Variants in FNTB observed in about 807,000 individuals in gnomAD.
FNTB encodes the protein protein farnesyltransferase subunit beta.
A neutral mutation model predicts 59.4 loss-of-function variants in FNTB; 27 were observed. The ratio of observed to expected loss-of-function variants is 0.45; its 90% CI spans 0.34 to 0.63. The LOEUF (loss-of-function observed/expected upper bound fraction) is 0.63. Ranked by LOEUF, FNTB falls within the 20% of genes least tolerant of loss-of-function variation. FNTB has a pLI of 0.02. For missense variants in FNTB, 449 were observed against 559.6 expected (o/e 0.80, Z 1.99); for synonymous variants, 230 against 220.7 (o/e 1.04, Z -0.37).
chr14:65,046,423 A>C (rs1355321075), intron 9 of FNTB, among the ~76,000 whole-genome samples: 4 of 152,226 alleles, frequency 2.6e-5, no homozygotes, highest in Admixed American at 2.6e-4. Flanking sequence ...TCCCAGGGAA[A>C]TGTGGAATGA....
chr14:65,057,271 A>G (rs2062756679), intron 11 of FNTB, among the ~76,000 whole-genome samples: 1 of 152,146 alleles, frequency 6.6e-6, no homozygotes, highest in African/African-American at 2.4e-5. Context: ...TTTGTTAAAT[A>G]GAAGATTTTA....
chr14:65,057,829 G>A (rs2062772201), intron 11 of FNTB, among the ~76,000 whole-genome samples: 2 of 152,190 alleles, frequency 1.3e-5, no homozygotes, highest in African/African-American at 4.8e-5. Flanking sequence ...CTGCTGATGT[G>A]TATCTCATGT....
intron 4 of FNTB, among the ~76,000 whole-genome samples, chr14:65,021,332 A>G (rs2061882311): frequency 6.6e-6 from 1 of 152,238 alleles, no homozygotes; most frequent in Non-Finnish European, 1.5e-5. Flanking sequence ...AGATTTTTCC[A>G]AAGATAAATT....
Position 65,061,662 on chromosome 14 carries a change from GC to G in FNTB, c.*351del. 2.8e-4 allele frequency: 59 copies of G among 211,114 alleles called. No individual in the cohort carries two copies. Among genetic ancestry groups the G allele is most frequent in the East Asian group, 9.0e-4 (9 of 10,000 alleles). The allele number at this position is 211,114 out of a possible 1,614,324, so 13.1% of individuals were successfully genotyped here. A position where few individuals can be genotyped will look rare whatever the true frequency, so the allele number is the denominator to read the frequency against. ...GAGTATTACGGCATCCAGAGCCACT[GC>G]TGACTCCCACTTGCACGCCACCATT... is the stretch of plus-strand genomic sequence containing the variant. On this transcript the variant is annotated 3_prime_UTR_variant, in exon 12 of 12. Transcript: ENST00000246166.
intron 3 of FNTB, among the ~76,000 whole-genome samples, chr14:65,015,263 C>T (rs2061748805): frequency 6.6e-6 from 1 of 151,944 alleles, no homozygotes; most frequent in Admixed American, 6.6e-5. Flanking sequence ...TCACTATGCC[C>T]AGCTAATTTT....
chr14:65,061,096 G>A (rs769586411), intron 11 of FNTB, 85 bp from the exon 12 acceptor site: 9 of 1,557,970 alleles, frequency 5.8e-6, no homozygotes, highest in Non-Finnish European at 7.8e-6. Flanking sequence ...TAAATTCTTA[G>A]AAGTGCCTTT....
rs2061684135 is a variant in FNTB at position 65,011,563 on chromosome 14, C to T, written c.210-754C>T. 6.6e-6 allele frequency among the ~76,000 whole-genome samples: 1 copy of T among 152,018 alleles called. No homozygotes were observed. Among genetic ancestry groups the T allele is most frequent in the African/African-American group, 2.4e-5 (1 of 41,400 alleles). On this transcript the variant is annotated intron_variant, in intron 2 of 11. Transcript: ENST00000246166. This position sits in a 1 kb window ranked among gnomAD's most constrained non-coding sequence, Gnocchi z 4.0. ...GTTCTCTTTCCTTTGTTTCTGTAAT[C>T]TGCAAGCACGGGGAACATCTTGACA... is the stretch of plus-strand genomic sequence containing the variant.
intron 1 of FNTB, among the ~76,000 whole-genome samples, chr14:65,000,811 G>A (rs1464555643): frequency 1.3e-3 from 69 of 55,110 alleles, no homozygotes; most frequent in African/African-American, 2.8e-3. Flanking sequence ...GCCAGACTCC[G>A]TCTCAAAAAA....
chr14:64,995,709 T>A (rs1441063171), intron 1 of FNTB, among the ~76,000 whole-genome samples: 2 of 150,136 alleles, frequency 1.3e-5, no homozygotes, highest in Non-Finnish European at 3.0e-5. Context: ...ATGTGTATAT[T>A]ATATATGTAT....
rs534234771 is a variant in FNTB, at chr14:65,005,454, T to C, written c.209+1141T>C. ...GAACACTTTCTCTTCCTTTCTTTTC[T>C]TTCTTTCTTTCTTTCTTTCTTTCTT... On this transcript the variant is annotated intron_variant, in intron 2 of 11. Coordinates refer to ENST00000246166, the MANE Select transcript of FNTB (RefSeq NM_002028.4). Among the ~76,000 whole-genome samples the C allele has an allele frequency of 3.5e-4, 20 of 56,498 alleles. No individual in the cohort carries two copies. In the South Asian group the frequency reaches 0.011, roughly 31 times the overall value. The allele number at this position is 56,498 out of a possible 152,430, so 37.1% of individuals were successfully genotyped here.
intron 1 of FNTB, among the ~76,000 whole-genome samples, chr14:64,988,594 C>T (rs1888052241): frequency 6.6e-6 from 1 of 151,970 alleles, no homozygotes; most frequent in Non-Finnish European, 1.5e-5. Context: ...ACCACCACGC[C>T]TGGCTAATTT....
Position 65,044,316 on chromosome 14 carries a change from G to A in FNTB, c.828G>A (p.Trp276Ter). The stretch of plus-strand genomic sequence containing the variant: ...TCCCATCTGTGTCTCCTCAGCAATG[G>A]GTGACAAGCCGGCAGATGCGATTTG... ...RSLNLKSLLQ[W>*]VTSRQMRFEG... Residue 276 changes from tryptophan (W) to a stop codon, truncating the protein, a stop_gained, in exon 9 of 12, where the codon TGG (tryptophan) becomes TGA (stop). Coordinates refer to ENST00000246166, the MANE Select transcript of FNTB (RefSeq NM_002028.4). LOFTEE classifies it high-confidence loss of function. This position sits in a 1 kb window ranked among gnomAD's most constrained non-coding sequence, Gnocchi z 5.5. 1 of 1,613,324 alleles carries A rather than the reference G, an allele frequency of 6.2e-7. No homozygotes were observed. The highest frequency in any genetic ancestry group is 1.1e-5 in the South Asian group (1 of 90,818).
intron 4 of FNTB, 147 bp downstream of exon 4, chr14:65,015,863 T>A: frequency 8.9e-6 from 7 of 783,718 alleles, no homozygotes; most frequent in Non-Finnish European, 1.4e-5. Flanking sequence ...TCCGGCAACT[T>A]CCTGAAACTC....
chr14:65,021,721 C>G (rs2061889153), intron 4 of FNTB, among the ~76,000 whole-genome samples: 1 of 152,202 alleles, frequency 6.6e-6, no homozygotes, highest in African/African-American at 2.4e-5. Flanking sequence ...TCTCAGCTCA[C>G]TGCAACTTCC....
chr14:65,052,877 T>C (rs529978930), intron 9 of FNTB, among the ~76,000 whole-genome samples: 1 of 152,154 alleles, frequency 6.6e-6, no homozygotes, highest in Admixed American at 6.5e-5. Context: ...AAGTCCAGGG[T>C]AGAGTTATGG....
At chr14:64,987,187 CG>C (rs1445181274) in intron 1 of FNTB, 90 bp downstream of exon 1, 3 of 1,452,028 alleles carry the variant, frequency 2.1e-6, no homozygotes, top group South Asian at 2.4e-5. Flanking sequence ...CGGAACTCAC[CG>C]GGGAACTACG....
At chr14:65,008,501 C>A (rs1411914684) in intron 2 of FNTB, among the ~76,000 whole-genome samples, 4 of 152,226 alleles carry the variant, frequency 2.6e-5, no homozygotes, top group Non-Finnish European at 5.9e-5. Context: ...CACAAATATA[C>A]AGTTACCGAT....
At position 65,014,754 on chromosome 14, in the gene FNTB, C is replaced by T. The variant is rs2061739191; in HGVS notation, c.283-871C>T. ...GCTTGAGCCCGGGAGGTTGAGGCTG[C>T]AGTGAGCTGAGATCATACCACTGCA... On this transcript the variant is annotated intron_variant, in intron 3 of 11. Transcript: ENST00000246166. This position sits in a 1 kb window ranked among gnomAD's most constrained non-coding sequence, Gnocchi z 5.1. Among the ~76,000 whole-genome samples, 1 of 152,102 alleles carries T rather than the reference C, an allele frequency of 6.6e-6. No individual in the cohort carries two copies. Among genetic ancestry groups the T allele is most frequent in the African/African-American group, 2.4e-5 (1 of 41,428 alleles).
Position 65,043,816 on chromosome 14 carries a change from G to A in FNTB, c.823-495G>A, listed in dbSNP as rs1200100489. 8.8e-5 allele frequency among the ~76,000 whole-genome samples: 10 copies of A among 113,372 alleles called. No homozygotes were observed. In the South Asian group the frequency reaches 1.0e-3, roughly 12 times the overall value. The allele number at this position is 113,372 out of a possible 152,430, so 74.4% of individuals were successfully genotyped here. A position where few individuals can be genotyped will look rare whatever the true frequency, so the allele number is the denominator to read the frequency against. ...CGCAGTCCGGCCTGGGCGACAGAGC[G>A]AGACTCCGTCTCAAAAAAAAAAAAA... is the stretch of plus-strand genomic sequence containing the variant. On this transcript the variant is annotated intron_variant, in intron 8 of 11. Transcript: ENST00000246166.
Sources: allele counts gnomAD v4.1 joint callset (sites outside exome capture counted in the v4.1 genomes callset), GRCh38; gene constraint gnomAD v4.1.1; non-coding constraint Gnocchi (gnomAD v3.1); transcripts MANE v1.5; gene names NCBI Gene and HGNC (gene_info 2026-07-23, HGNC 2026-07-21).